Variants in GMDS observed in about 807,000 individuals in gnomAD.
The protein encoded by GMDS is GDP-mannose 4,6-dehydratase.
A neutral mutation model predicts 49.9 loss-of-function variants in GMDS; 20 were observed. That is an observed-to-expected ratio of 0.40 (90% CI 0.28 to 0.58). The LOEUF is 0.58. GMDS is among the 20% of genes least tolerant of loss of function. GMDS has a pLI of 0.42. For missense variants in GMDS, 362 were observed against 481.4 expected (o/e 0.75, Z 2.32); for synonymous variants, 177 against 178.6 (o/e 0.99, Z 0.07).
intron 9 of GMDS, among the ~76,000 whole-genome samples, chr6:1,693,333 A>T (rs4959590): frequency 0.94 from 143,191 of 152,286 alleles, 67,945 homozygotes; most frequent in East Asian, 1. Context: ...TGGAGCAATC[A>T]CTGCAATTCT....
chr6:2,161,674 A>G (rs1274477287), intron 1 of GMDS, among the ~76,000 whole-genome samples: 2 of 152,248 alleles, frequency 1.3e-5, no homozygotes, highest in African/African-American at 2.4e-5. Context: ...CTTCAAACCA[A>G]TCAGTCTAGG....
chr6:1,727,385 A>C (rs1319286249), intron 8 of GMDS, among the ~76,000 whole-genome samples: 1 of 152,198 alleles, frequency 6.6e-6, no homozygotes, highest in African/African-American at 2.4e-5. Flanking sequence ...CTGGATGTCT[A>C]TAATATTACA....
chr6:1,710,248 G>A (rs541170362), intron 9 of GMDS, among the ~76,000 whole-genome samples: 38 of 152,248 alleles, frequency 2.5e-4, no homozygotes, highest in Admixed American at 3.9e-4. Flanking sequence ...CCACCAGACC[G>A]GGGAAAACAT....
intron 1 of GMDS, among the ~76,000 whole-genome samples, chr6:2,210,882 T>C (rs925379104): frequency 6.6e-6 from 1 of 152,170 alleles, no homozygotes; most frequent in Non-Finnish European, 1.5e-5. Flanking sequence ...TGGGAGATAA[T>C]TGGATCATGG....
chr6:1,899,051 T>C (rs1760366546), intron 7 of GMDS, among the ~76,000 whole-genome samples: 1 of 152,228 alleles, frequency 6.6e-6, no homozygotes, highest in South Asian at 2.1e-4. Context: ...CTAAGAATAA[T>C]AGAAGTGGCA....
chr6:1,925,770 C>T (rs191098411), intron 7 of GMDS, among the ~76,000 whole-genome samples: 5 of 152,202 alleles, frequency 3.3e-5, no homozygotes, highest in African/African-American at 1.2e-4. Context: ...GGGCTCCACC[C>T]CCAGGCCTAT....
intron 7 of GMDS, among the ~76,000 whole-genome samples, chr6:1,869,786 C>T (rs1186020967): frequency 4.6e-5 from 7 of 152,210 alleles, no homozygotes; most frequent in Admixed American, 2.0e-4. Flanking sequence ...TAGTGGATGG[C>T]GTCCCCTTCA....
At chr6:2,048,919 G>A (rs375427358) in intron 4 of GMDS, among the ~76,000 whole-genome samples, 1 of 152,138 alleles carries the variant, frequency 6.6e-6, no homozygotes, top group Non-Finnish European at 1.5e-5. Flanking sequence ...ACCAATATGG[G>A]GATGGAGATG....
At chr6:1,918,195 G>C (rs1761506294) in intron 7 of GMDS, among the ~76,000 whole-genome samples, 1 of 152,038 alleles carries the variant, frequency 6.6e-6, no homozygotes, top group South Asian at 2.1e-4. Flanking sequence ...CATAATAATA[G>C]AGCCCTCCTT....
At chr6:1,859,853 C>T (rs765203451) in intron 7 of GMDS, among the ~76,000 whole-genome samples, 27 of 152,332 alleles carry the variant, frequency 1.8e-4, no homozygotes, top group Middle Eastern at 6.8e-3. Flanking sequence ...GAACAAACAT[C>T]ATAATGTATT....
chr6:1,653,929 G>T (rs936669752), intron 9 of GMDS, among the ~76,000 whole-genome samples: 2 of 152,100 alleles, frequency 1.3e-5, no homozygotes, highest in Non-Finnish European at 2.9e-5. Flanking sequence ...TGGGCAACAC[G>T]AGTAAAAGCA....
chr6:2,111,469 T>C (rs1774541216), intron 4 of GMDS, among the ~76,000 whole-genome samples: 1 of 152,246 alleles, frequency 6.6e-6, no homozygotes, highest in Admixed American at 6.5e-5. Flanking sequence ...CCCAGACTTC[T>C]GTGGGTTTAT....
At chr6:1,662,533 C>T (rs1764114255) in intron 9 of GMDS, among the ~76,000 whole-genome samples, 1 of 152,140 alleles carries the variant, frequency 6.6e-6, no homozygotes. Flanking sequence ...TACAGTTGAT[C>T]TGAGGACAGT....
chr6:1,992,540 T>C (rs1255973825), intron 4 of GMDS, among the ~76,000 whole-genome samples: 1 of 152,180 alleles, frequency 6.6e-6, no homozygotes, highest in African/African-American at 2.4e-5. Flanking sequence ...GCCTAAAATG[T>C]TTCCCCTAGA....
intron 9 of GMDS, among the ~76,000 whole-genome samples, chr6:1,699,253 G>C (rs1765456469): frequency 6.6e-6 from 1 of 152,080 alleles, no homozygotes; most frequent in African/African-American, 2.4e-5. Context: ...TATGTTTTGA[G>C]GTTGCAAAGA....
At chr6:2,020,197 A>G (rs1274597423) in intron 4 of GMDS, among the ~76,000 whole-genome samples, 1 of 152,198 alleles carries the variant, frequency 6.6e-6, no homozygotes, top group African/African-American at 2.4e-5. Context: ...CAAGAAAATA[A>G]TATTTTAAGG....
intron 4 of GMDS, among the ~76,000 whole-genome samples, chr6:2,011,643 G>A (rs1767566364): frequency 6.6e-6 from 1 of 152,210 alleles, no homozygotes; most frequent in Non-Finnish European, 1.5e-5. Context: ...GCCGGGTACG[G>A]TGACTCATGC....
intron 1 of GMDS, among the ~76,000 whole-genome samples, chr6:2,239,057 G>C (rs912201293): frequency 6.6e-6 from 1 of 152,072 alleles, no homozygotes; most frequent in East Asian, 1.9e-4. Flanking sequence ...GGCCGGGCAC[G>C]GTGGCTCACG....
intron 4 of GMDS, among the ~76,000 whole-genome samples, chr6:1,995,770 G>A (rs1280463090): frequency 6.6e-6 from 1 of 152,190 alleles, no homozygotes; most frequent in Non-Finnish European, 1.5e-5. Flanking sequence ...GGCTTGGGAA[G>A]GGCCAGGCTC....
Sources: allele counts gnomAD v4.1 joint callset (sites outside exome capture counted in the v4.1 genomes callset), GRCh38; gene constraint gnomAD v4.1.1; transcripts MANE v1.5; gene names NCBI Gene and HGNC (gene_info 2026-07-23, HGNC 2026-07-21).